Variants in TRIM37 observed in about 807,000 individuals in gnomAD.
TRIM37 encodes tripartite motif containing 37.
Under a neutral mutation model 129.8 loss-of-function variants are expected in TRIM37, and 80 were observed. That is an observed-to-expected ratio of 0.62 (90% CI 0.51 to 0.74). The LOEUF is 0.74. Ranked by LOEUF, TRIM37 falls within the 30% of genes least tolerant of loss-of-function variation. The pLI, the probability that TRIM37 is intolerant of heterozygous loss-of-function variation, is 0.00. For synonymous variants in TRIM37, 389 were observed against 387.1 expected, an observed-to-expected ratio of 1.00 and a Z score of -0.06; for missense variants, 1,054 against 1,176.5, an observed-to-expected ratio of 0.90 and a Z score of 1.52.
In TRIM37 at chr17:59,075,681, A is replaced by T. The variant is rs149735804; in HGVS notation, c.650T>A (p.Leu217His). Residue 217 changes from leucine to histidine, a missense_variant, in exon 8 of 24, where the codon CTT (leucine) becomes CAT (histidine). Coordinates refer to ENST00000262294, the MANE Select transcript of TRIM37 (RefSeq NM_015294.6). ...CACCTCCTGAAGTAAGGATTCCAAA[A>T]GCTCTGTTTCTTGGGTTAGAGATGT... ...QKTSLTQETE[L>H]LESLLQEVEH... is the part of the protein sequence containing the mutation. 30 of 1,611,386 alleles carry T rather than the reference A, an allele frequency of 1.9e-5. No individual in the cohort carries two copies. The highest frequency in any genetic ancestry group is 2.4e-5 in the Non-Finnish European group (28 of 1,179,372).
intron 2 of TRIM37, among the ~76,000 whole-genome samples, chr17:59,091,579 T>C (rs1373336367): frequency 9.0e-5 from 8 of 89,222 alleles, no homozygotes; most frequent in African/African-American, 1.9e-4. Context: ...ATATATATAA[T>C]GTATAATATA....
At chr17:59,034,492 T>C (rs1270745654) in intron 17 of TRIM37, among the ~76,000 whole-genome samples, 1 of 151,964 alleles carries the variant, frequency 6.6e-6, no homozygotes, top group East Asian at 1.9e-4. Flanking sequence ...CCCTAGTAGC[T>C]GGGATTACAG....
chr17:58,997,933 A>G (rs972581399), downstream of TRIM37, among the ~76,000 whole-genome samples: 3 of 152,188 alleles, frequency 2.0e-5, no homozygotes, highest in South Asian at 2.1e-4. Context: ...GCTTTAGTAT[A>G]TAAGGTGGCT....
chr17:59,047,642 T>C lies in TRIM37; in HGVS notation c.1667+41A>G. The C allele has an allele frequency of 1.9e-6, 3 of 1,593,248 alleles. No individual in the cohort carries two copies. In the East Asian group the frequency reaches 6.7e-5, roughly 36 times the overall value. ...AGTTAGTTAATATGCTTCTAATAAT[T>C]ACCACTTAAATGCTTTACAGTAGTA... On this transcript the variant is annotated intron_variant, in intron 16 of 23. Transcript: ENST00000262294.
At chr17:58,988,302 T>G (rs1291409834) in intron 24 of TRIM37, among the ~76,000 whole-genome samples, 1 of 152,132 alleles carries the variant, frequency 6.6e-6, no homozygotes, top group African/African-American at 2.4e-5. Context: ...AAGTGTCGGC[T>G]GTGACACACA....
At chr17:59,098,371 A>T (rs1251018082) in intron 2 of TRIM37, among the ~76,000 whole-genome samples, 1 of 152,184 alleles carries the variant, frequency 6.6e-6, no homozygotes, top group Non-Finnish European at 1.5e-5. Flanking sequence ...AATACAGTTA[A>T]AATTGCAAAT....
intron 10 of TRIM37, among the ~76,000 whole-genome samples, chr17:59,063,859 G>T (rs953351539): frequency 6.6e-6 from 1 of 152,156 alleles, no homozygotes; most frequent in Non-Finnish European, 1.5e-5. Context: ...ATTTAAAATG[G>T]TTCCTCACTT....
At chr17:58,995,655 A>G (rs1004225969), downstream of TRIM37, among the ~76,000 whole-genome samples, 2 of 152,244 alleles carry the variant, frequency 1.3e-5, no homozygotes, top group African/African-American at 4.8e-5. Context: ...AGAAGAAATT[A>G]GTGAATTAGA....
chr17:58,997,282 G>A (rs2033105291), downstream of TRIM37, among the ~76,000 whole-genome samples: 1 of 152,048 alleles, frequency 6.6e-6, no homozygotes, highest in African/African-American at 2.4e-5. Flanking sequence ...CAACTCTTTT[G>A]CAAACCTGAA....
intron 22 of TRIM37, among the ~76,000 whole-genome samples, chr17:59,003,892 C>T (rs867106488): frequency 8.2e-5 from 12 of 146,294 alleles, no homozygotes; most frequent in South Asian, 2.2e-4. Flanking sequence ...TTGGGACTAG[C>T]CTGGGCAACT....
At chr17:58,988,869 C>T (rs1250838572) in intron 24 of TRIM37, among the ~76,000 whole-genome samples, 1 of 152,206 alleles carries the variant, frequency 6.6e-6, no homozygotes, top group African/African-American at 2.4e-5. Context: ...CTCCTAACTA[C>T]TATTAGATTG....
intron 2 of TRIM37, among the ~76,000 whole-genome samples, chr17:59,098,912 G>A (rs1418267984): frequency 3.3e-5 from 5 of 151,952 alleles, no homozygotes; most frequent in Non-Finnish European, 5.9e-5. Flanking sequence ...GGCTAGGCGC[G>A]GTGGCTCAAC....
intron 15 of TRIM37, among the ~76,000 whole-genome samples, 176 bp from the exon 16 acceptor site, chr17:59,047,995 T>A (rs2039986690): frequency 6.6e-6 from 1 of 152,210 alleles, no homozygotes; most frequent in African/African-American, 2.4e-5. Flanking sequence ...CCACACTGAC[T>A]GATATCATTT....
chr17:58,969,777 A>C, the TRIM37 span: 1 of 1,572,488 alleles, frequency 6.4e-7, no homozygotes, highest in East Asian at 2.2e-5. Context: ...AGCTGAGCTC[A>C]ATTTGGTCTG....
chr17:58,993,679 G>A (rs146991643), downstream of TRIM37, among the ~76,000 whole-genome samples: 4 of 152,288 alleles, frequency 2.6e-5, no homozygotes, highest in Non-Finnish European at 4.4e-5. Flanking sequence ...GAATCTTGGG[G>A]GTGACTGAAA....
intron 6 of TRIM37, 119 bp from the exon 7 acceptor site, chr17:59,079,996 G>A (rs928295616): frequency 8.9e-7 from 1 of 1,129,452 alleles, no homozygotes; most frequent in Non-Finnish European, 1.3e-6. Flanking sequence ...AAGGTCAAAT[G>A]GAAATGACCC....
intron 5 of TRIM37, among the ~76,000 whole-genome samples, chr17:59,083,356 T>A (rs1338423194): frequency 6.6e-6 from 1 of 151,562 alleles, no homozygotes; most frequent in African/African-American, 2.4e-5. Flanking sequence ...GAGAATCACT[T>A]GAACCCGGGA....
chr17:59,083,933 T>C, intron 5 of TRIM37, 69 bp downstream of exon 5: 1 of 1,247,250 alleles, frequency 8.0e-7, no homozygotes, highest in Non-Finnish European at 1.2e-6. Context: ...CACTATTTTC[T>C]ATCTGAATAA....
chr17:58,997,111 G>A (rs1244908384), downstream of TRIM37, among the ~76,000 whole-genome samples: 1 of 152,146 alleles, frequency 6.6e-6, no homozygotes, highest in Non-Finnish European at 1.5e-5. Context: ...AAGAACATTT[G>A]TGAAATAACT....
Sources: allele counts gnomAD v4.1 joint callset (sites outside exome capture counted in the v4.1 genomes callset), GRCh38; gene constraint gnomAD v4.1.1; transcripts MANE v1.5; gene names NCBI Gene and HGNC (gene_info 2026-07-23, HGNC 2026-07-21).